CLSTN2: variants seen among roughly 807,000 people sequenced by gnomAD.
The protein encoded by CLSTN2 is calsyntenin 2, also known as calsyntenin-2.
In CLSTN2, 48 loss-of-function variants were observed where a neutral mutation model predicts 101.2. The observed-to-expected ratio is 0.47, with a 90% CI of 0.38 to 0.60. The LOEUF is 0.60. Ranked by LOEUF, CLSTN2 falls within the 20% of genes least tolerant of loss-of-function variation. CLSTN2 has a pLI of 0.00. For missense variants in CLSTN2, 1,160 were observed against 1,238.2 expected, an observed-to-expected ratio of 0.94 and a Z score of 0.95; for synonymous variants, 481 against 463.6, an observed-to-expected ratio of 1.04 and a Z score of -0.48.
At chr3:140,329,176 C>T (rs891987537) in intron 2 of CLSTN2, among the ~76,000 whole-genome samples, 2 of 152,026 alleles carry the variant, frequency 1.3e-5, no homozygotes, top group Admixed American at 6.6e-5. Flanking sequence ...CACCTGAGGT[C>T]GGGAGTTTGA....
At chr3:140,267,943 A>G (rs988866225) in intron 2 of CLSTN2, among the ~76,000 whole-genome samples, 4 of 152,284 alleles carry the variant, frequency 2.6e-5, no homozygotes, top group Middle Eastern at 3.4e-3. Context: ...GTGAAATGAT[A>G]TTATACCCAC....
At chr3:140,023,414 G>A (rs2007357613) in intron 1 of CLSTN2, among the ~76,000 whole-genome samples, 1 of 152,184 alleles carries the variant, frequency 6.6e-6, no homozygotes, top group African/African-American at 2.4e-5. Context: ...GAGTCAGGGG[G>A]TAGAGTAGAC....
At chr3:140,015,570 T>G (rs1283706253) in intron 1 of CLSTN2, among the ~76,000 whole-genome samples, 1 of 152,112 alleles carries the variant, frequency 6.6e-6, no homozygotes, top group African/African-American at 2.4e-5. Flanking sequence ...GACTGCAAGG[T>G]TTGGGGCCTG....
At chr3:140,040,181 T>C (rs1373479588) in intron 1 of CLSTN2, among the ~76,000 whole-genome samples, 1 of 152,184 alleles carries the variant, frequency 6.6e-6, no homozygotes. Context: ...TGTACCTTTC[T>C]TTTCTCATCT....
chr3:140,520,706 C>T (rs187492282), intron 8 of CLSTN2, among the ~76,000 whole-genome samples: 4 of 152,244 alleles, frequency 2.6e-5, no homozygotes, highest in African/African-American at 4.8e-5. Flanking sequence ...TGAATGTTTG[C>T]CTGTCTTGCT....
At position 140,301,235 on chromosome 3, in the gene CLSTN2, A is replaced by G. The variant is rs554597903; in HGVS notation, c.233-102394A>G. On this transcript the variant is annotated intron_variant, in intron 2 of 16. Coordinates refer to ENST00000458420, the MANE Select transcript of CLSTN2 (RefSeq NM_022131.3). ...CTTGACACATATACTTAACCATCAC[A>G]GTGTTATAGCTATCAATACTTAACC... Among the ~76,000 whole-genome samples, 141 of 152,316 alleles carry G rather than the reference A, an allele frequency of 9.3e-4. 1 individual carries two copies. Among genetic ancestry groups the G allele is most frequent in the Middle Eastern group, 6.8e-3 (2 of 294 alleles).
At position 140,571,440 on chromosome 3, in the gene CLSTN2, T is replaced by C. The variant is rs1161171529; in HGVS notation, c.*5187T>C. The C allele has an allele frequency of 1.3e-5, 2 of 152,202 alleles. No individual in the cohort carries two copies. The highest frequency in any genetic ancestry group is 2.9e-5 in the Non-Finnish European group (2 of 68,046). 9.4% of individuals were successfully genotyped at this position (152,202 alleles called of 1,614,324 possible). A position where few individuals can be genotyped will look rare whatever the true frequency, so the allele number is the denominator to read the frequency against. Reference sequence around the variant, plus strand: ...GTAAGTGGGTTTAATTCTTTGAAAGTATTTGCCAGTGAAAAGTAGATGATT... The same window carrying C: ...GTAAGTGGGTTTAATTCTTTGAAAGCATTTGCCAGTGAAAAGTAGATGATT... On this transcript the variant is annotated 3_prime_UTR_variant, in exon 17 of 17. Coordinates refer to ENST00000458420, the MANE Select transcript of CLSTN2 (RefSeq NM_022131.3).
intron 1 of CLSTN2, among the ~76,000 whole-genome samples, chr3:139,985,701 G>A (rs534301337): frequency 2.0e-5 from 3 of 152,284 alleles, no homozygotes; most frequent in South Asian, 4.1e-4. Flanking sequence ...CTGGGGAAAC[G>A]AAAGCAATTG....
At chr3:140,516,196 A>T (rs896564264) in intron 8 of CLSTN2, among the ~76,000 whole-genome samples, 20 of 152,110 alleles carry the variant, frequency 1.3e-4, no homozygotes, top group African/African-American at 4.3e-4. Flanking sequence ...ATATTTTTCC[A>T]CCCCTTTACC....
intron 2 of CLSTN2, among the ~76,000 whole-genome samples, chr3:140,203,552 T>C (rs941142364): frequency 6.8e-6 from 1 of 146,346 alleles, no homozygotes; most frequent in African/African-American, 2.5e-5. Flanking sequence ...AAATGTTAGC[T>C]CTTTTCCTGA....
intron 6 of CLSTN2, among the ~76,000 whole-genome samples, chr3:140,451,930 G>A (rs1484552212): frequency 6.6e-6 from 1 of 152,214 alleles, no homozygotes; most frequent in Non-Finnish European, 1.5e-5. Context: ...TAGAGCCATG[G>A]TCTAAGCAAG....
chr3:140,363,919 G>T (rs2087757234), intron 2 of CLSTN2, among the ~76,000 whole-genome samples: 1 of 152,204 alleles, frequency 6.6e-6, no homozygotes, highest in African/African-American at 2.4e-5. Flanking sequence ...AACCCTGACT[G>T]GGAGGCCTCT....
chr3:140,134,279 T>C (rs978687200), intron 1 of CLSTN2, among the ~76,000 whole-genome samples: 1 of 152,214 alleles, frequency 6.6e-6, no homozygotes, highest in Non-Finnish European at 1.5e-5. Context: ...AAGCTGAATA[T>C]TTTCCTTCTG....
intron 8 of CLSTN2, among the ~76,000 whole-genome samples, chr3:140,514,938 C>T (rs116020489): frequency 1.6e-3 from 246 of 152,228 alleles, no homozygotes; most frequent in African/African-American, 5.7e-3. Context: ...GGAATAGTTT[C>T]AGGATGATTA....
intron 2 of CLSTN2, among the ~76,000 whole-genome samples, chr3:140,180,885 T>G (rs904011363): frequency 2.0e-5 from 3 of 152,202 alleles, no homozygotes; most frequent in African/African-American, 7.2e-5. Flanking sequence ...TGTTTGTCCT[T>G]TTGTTCAGGG....
chr3:140,281,947 T>G (rs1383792694), intron 2 of CLSTN2, among the ~76,000 whole-genome samples: 4 of 151,716 alleles, frequency 2.6e-5, no homozygotes. Context: ...TCTGAAGGAG[T>G]CAGGCAATTG....
chr3:140,367,925 G>A (rs986770349), intron 2 of CLSTN2, among the ~76,000 whole-genome samples: 2 of 152,194 alleles, frequency 1.3e-5, no homozygotes, highest in Non-Finnish European at 2.9e-5. Context: ...AGTTGTCACT[G>A]TAGCTGTCCT....
intron 1 of CLSTN2, among the ~76,000 whole-genome samples, chr3:140,009,873 T>C (rs1051717248): frequency 2.6e-5 from 4 of 152,338 alleles, no homozygotes; most frequent in Middle Eastern, 3.4e-3. Context: ...AATAATGAAA[T>C]TGCTGTCTCG....
chr3:140,143,129 A>T (rs1347780934), intron 1 of CLSTN2, among the ~76,000 whole-genome samples: 1 of 152,186 alleles, frequency 6.6e-6, no homozygotes, highest in East Asian at 1.9e-4. Flanking sequence ...TATAGAATAA[A>T]AACCTGAGAT....
Sources: gnomAD v4.1 joint callset for allele counts (sites outside exome capture counted in the v4.1 genomes callset) on GRCh38, gnomAD v4.1.1 for gene constraint, MANE v1.5 for transcripts, NCBI Gene and HGNC (gene_info 2026-07-23, HGNC 2026-07-21) for gene names.